Variants in MBD5 observed in about 807,000 individuals in gnomAD.
MBD5 encodes the protein methyl-CpG-binding domain protein 5.
MBD5 carries 13 observed loss-of-function variants against 117.3 expected under a neutral mutation model. That is an observed-to-expected ratio of 0.11 (90% CI 0.07 to 0.18). MBD5 has a LOEUF of 0.18. Ranked by LOEUF, MBD5 falls within the 10% of genes least tolerant of loss-of-function variation. MBD5 has a pLI of 1.00. For missense variants in MBD5, 1,879 were observed against 2,093.8 expected, an observed-to-expected ratio of 0.90 and a Z score of 2.00; for synonymous variants, 727 against 766.4, an observed-to-expected ratio of 0.95 and a Z score of 0.85.
intron 1 of MBD5, among the ~76,000 whole-genome samples, chr2:148,095,793 G>A (rs1233678377): frequency 6.6e-6 from 1 of 151,512 alleles, no homozygotes; most frequent in Admixed American, 6.6e-5. Flanking sequence ...TGAACGAGAA[G>A]CATTTTGAGA....
At chr2:148,070,001 G>C (rs1695308085) in intron 1 of MBD5, among the ~76,000 whole-genome samples, 1 of 152,108 alleles carries the variant, frequency 6.6e-6, no homozygotes, top group African/African-American at 2.4e-5. Flanking sequence ...GTTGTTAACT[G>C]TAGTCACCCT....
At chr2:148,388,474 A>C (rs953336238) in intron 4 of MBD5, among the ~76,000 whole-genome samples, 2 of 152,196 alleles carry the variant, frequency 1.3e-5, no homozygotes, top group Non-Finnish European at 2.9e-5. Flanking sequence ...ATGGGTTTGT[A>C]AGCATGTGTT....
intron 1 of MBD5, among the ~76,000 whole-genome samples, chr2:148,045,453 A>G (rs559553656): frequency 4.6e-5 from 7 of 152,338 alleles, no homozygotes. Context: ...CGAAGAACAC[A>G]TGAAGGAAAG....
chr2:148,283,460 C>T (rs1701297404), intron 3 of MBD5, among the ~76,000 whole-genome samples: 1 of 152,114 alleles, frequency 6.6e-6, no homozygotes, highest in African/African-American at 2.4e-5. Context: ...CTCTTTCAGT[C>T]ACAGCATACA....
At chr2:148,132,243 T>G (rs1297690360) in intron 1 of MBD5, among the ~76,000 whole-genome samples, 1 of 151,496 alleles carries the variant, frequency 6.6e-6, no homozygotes, top group East Asian at 1.9e-4. Context: ...ACTGTGGTAG[T>G]TTTTAAGGGT....
chr2:148,451,727 C>T (rs985234671), intron 4 of MBD5, among the ~76,000 whole-genome samples: 4 of 151,958 alleles, frequency 2.6e-5, no homozygotes, highest in African/African-American at 4.8e-5. Context: ...AACATAAAGG[C>T]GGGTTTTATG....
chr2:148,418,279 A>G (rs1705487592), intron 4 of MBD5, among the ~76,000 whole-genome samples: 1 of 152,172 alleles, frequency 6.6e-6, no homozygotes, highest in Non-Finnish European at 1.5e-5. Flanking sequence ...TTTGCTGTGC[A>G]GAAGTGTTTT....
intron 1 of MBD5, among the ~76,000 whole-genome samples, chr2:148,081,095 A>T (rs1208115750): frequency 1.3e-5 from 2 of 152,208 alleles, no homozygotes; most frequent in South Asian, 4.1e-4. Flanking sequence ...ATATTTCAGC[A>T]TAAGAACCAG....
Position 148,489,418 on chromosome 2 carries a change from C to T in MBD5, c.3786C>T (p.Asn1262=), listed in dbSNP as rs771343592. The T allele has an allele frequency of 6.2e-7, 1 of 1,614,132 alleles. No homozygotes were observed. The highest frequency in any genetic ancestry group is 8.5e-7 in the Non-Finnish European group (1 of 1,180,014). ...TGCAGGAAGATGCAGCTCTCCTAAA[C>T]AAAAGAATAAGCACTCAGCCTGGGC... ...VRMQEDAALL[N]KRISTQPGLT... The change falls in exon 11 of 14, where the codon AAC becomes AAT. Residue 1262 remains asparagine, a synonymous_variant. Coordinates refer to ENST00000642680, the MANE Select transcript of MBD5 (RefSeq NM_001378120.1).
chr2:148,426,113 C>G (rs1018131607), intron 4 of MBD5, among the ~76,000 whole-genome samples: 3 of 152,116 alleles, frequency 2.0e-5, no homozygotes, highest in African/African-American at 7.2e-5. Flanking sequence ...AGGACCTCTT[C>G]AAGGAGAACT....
intron 7 of MBD5, among the ~76,000 whole-genome samples, chr2:148,467,934 T>C (rs941612825): frequency 6.6e-6 from 1 of 152,170 alleles, no homozygotes; most frequent in African/African-American, 2.4e-5. Context: ...AACTGCATTC[T>C]TAAAAATTCT....
intron 3 of MBD5, among the ~76,000 whole-genome samples, chr2:148,256,849 A>T (rs1228631785): frequency 6.6e-6 from 1 of 152,244 alleles, no homozygotes; most frequent in African/African-American, 2.4e-5. Context: ...ATAGGTCCCA[A>T]GACCTTTTGC....
intron 3 of MBD5, among the ~76,000 whole-genome samples, chr2:148,263,108 A>G (rs555337327): frequency 6.2e-4 from 94 of 152,322 alleles, no homozygotes; most frequent in African/African-American, 2.2e-3. Flanking sequence ...TTTAGGGGAA[A>G]AGATGATGAG....
In MBD5 at chr2:148,469,537, G is replaced by A; in HGVS notation, c.1594G>A (p.Val532Ile). The A allele has an allele frequency of 1.2e-6, 2 of 1,613,822 alleles. No individual in the cohort carries two copies. The highest frequency in any genetic ancestry group is 1.7e-6 in the Non-Finnish European group (2 of 1,179,934). ...CCCATTAATTGCTGGAATAAGTAAT[G>A]TACTAAATACCCCAAGCAGTGCAGC... is the stretch of plus-strand genomic sequence containing the variant. ...PNPLIAGISN[V>I]LNTPSSAAFP... The change falls in exon 8 of 14, where the codon GTA becomes ATA. Residue 532 changes from valine to isoleucine, a missense_variant. By Grantham distance (29) the Val-to-Ile change is conservative. Around this residue, in one of 4 missense-constraint regions of MBD5, gnomAD observed 1,666 missense variants for 1,792.2 expected, o/e 0.93. Transcript: ENST00000642680.
At position 148,470,160 on chromosome 2, in the gene MBD5, T is replaced by C; in HGVS notation, c.2217T>C (p.Phe739=). Residue 739 remains phenylalanine (F), a synonymous_variant, in exon 8 of 14, where the codon TTT becomes TTC. Transcript: ENST00000642680. ...CTTGCTCTGCTAACCAGCTGCATTT[T>C]ACAGATCCCAGTATGAACTCTAGTG... The part of the protein sequence containing the change: ...ALPCSANQLH[F]TDPSMNSSVL... 6.2e-7 allele frequency: 1 copy of C among 1,613,986 alleles called. No individual in the cohort carries two copies. Among genetic ancestry groups the C allele is most frequent in the Non-Finnish European group, 8.5e-7 (1 of 1,179,914 alleles).
At chr2:148,049,191 G>A (rs1694624725) in intron 1 of MBD5, among the ~76,000 whole-genome samples, 1 of 152,168 alleles carries the variant, frequency 6.6e-6, no homozygotes, top group Non-Finnish European at 1.5e-5. Flanking sequence ...CTGGTTCTCA[G>A]CTGCCCAGTG....
chr2:148,182,970 A>G (rs972164325), intron 2 of MBD5, among the ~76,000 whole-genome samples: 8 of 151,850 alleles, frequency 5.3e-5, no homozygotes, highest in Non-Finnish European at 1.2e-4. Context: ...CTTCAGTTAA[A>G]CTCCCTCTGC....
At chr2:148,202,072 G>A (rs1226689864) in intron 2 of MBD5, among the ~76,000 whole-genome samples, 1 of 152,178 alleles carries the variant, frequency 6.6e-6, no homozygotes, top group Non-Finnish European at 1.5e-5. Context: ...GCCTCTATCT[G>A]CCTAGGCATT....
At chr2:148,217,318 G>A in intron 2 of MBD5, among the ~76,000 whole-genome samples, 1 of 152,142 alleles carries the variant, frequency 6.6e-6, no homozygotes, top group Non-Finnish European at 1.5e-5. Context: ...ATTCAGCTGT[G>A]ATGGTAGCAA....
Sources: allele counts gnomAD v4.1 joint callset (sites outside exome capture counted in the v4.1 genomes callset), GRCh38; gene constraint gnomAD v4.1.1; regional missense constraint gnomAD v4.1.1; transcripts MANE v1.5; gene names NCBI Gene and HGNC (gene_info 2026-07-23, HGNC 2026-07-21).